Variants in PCP4L1 observed in about 807,000 individuals in gnomAD.
PCP4L1 encodes Purkinje cell protein 4-like protein 1.
Under a neutral mutation model 9.6 loss-of-function variants are expected in PCP4L1, and 9 were observed. The ratio of observed to expected loss-of-function variants is 0.94; its 90% CI spans 0.57 to 1.64. The LOEUF (loss-of-function observed/expected upper bound fraction) is 1.64. Among genes scored for constraint, PCP4L1 ranks in the 40% most tolerant of loss-of-function variants. The pLI is 0.00. For synonymous variants in PCP4L1, 31 were observed against 28.2 expected (o/e 1.10, Z -0.31); for missense variants, 81 against 80.8 (o/e 1.00, Z -0.01).
intron 1 of PCP4L1, among the ~76,000 whole-genome samples, chr1:161,272,088 G>T (rs1352592780): frequency 6.6e-6 from 1 of 151,706 alleles, no homozygotes; most frequent in Non-Finnish European, 1.5e-5. Context: ...TTACAGGTGT[G>T]AGCCACCGTG....
chr1:161,270,375 A>G (rs894545719), intron 1 of PCP4L1, among the ~76,000 whole-genome samples: 6 of 152,098 alleles, frequency 3.9e-5, no homozygotes, highest in East Asian at 1.9e-4. Flanking sequence ...GGTTGTTACA[A>G]TTGCTCATGT....
intron 1 of PCP4L1, among the ~76,000 whole-genome samples, chr1:161,282,313 T>C (rs1571804018): frequency 6.7e-6 from 1 of 150,056 alleles, no homozygotes. Flanking sequence ...GGCAGGGAGG[T>C]TGCAGTGAGC....
intron 1 of PCP4L1, among the ~76,000 whole-genome samples, chr1:161,279,424 A>T (rs1254765490): frequency 6.6e-6 from 1 of 152,188 alleles, no homozygotes; most frequent in African/African-American, 2.4e-5. Context: ...TGCTTCTTTT[A>T]TACCTCTTGA....
chr1:161,284,143 C>G (rs1669867259), intron 2 of PCP4L1, among the ~76,000 whole-genome samples, 196 bp from the exon 3 acceptor site: 1 of 152,186 alleles, frequency 6.6e-6, no homozygotes. Context: ...CCCTAAGTAA[C>G]TATAGCTAAT....
chr1:161,272,199 T>A (rs1476503112), intron 1 of PCP4L1, among the ~76,000 whole-genome samples: 1 of 150,122 alleles, frequency 6.7e-6, no homozygotes, highest in Non-Finnish European at 1.5e-5. Flanking sequence ...TTTTTTTTTT[T>A]AAGCAAATTC....
Position 161,258,795 on chromosome 1 carries a change from C to T in PCP4L1, c.-180C>T. ...AGGGGGTCGCCTGGCCGGAGCTGGG[C>T]TCCGAGAATCCCGGGTGCCAGCACC... On this transcript the variant is annotated 5_prime_UTR_variant, in exon 1 of 3. Coordinates refer to ENST00000504449, the MANE Select transcript of PCP4L1 (RefSeq NM_001102566.2). The T allele has an allele frequency of 2.0e-6, 2 of 990,344 alleles. No individual in the cohort carries two copies. Among genetic ancestry groups the T allele is most frequent in the Non-Finnish European group, 3.0e-6 (2 of 665,360 alleles). 61.3% of individuals were successfully genotyped at this position (990,344 alleles called of 1,614,324 possible).
intron 1 of PCP4L1, among the ~76,000 whole-genome samples, chr1:161,275,377 G>T (rs1418310905): frequency 6.6e-6 from 1 of 151,952 alleles, no homozygotes; most frequent in Non-Finnish European, 1.5e-5. Flanking sequence ...TCAGCCAGGT[G>T]TGGTGGCGGG....
In PCP4L1 at chr1:161,274,655, G is replaced by C. The variant is rs993726073; in HGVS notation, c.10-9013G>C. On this transcript the variant is annotated intron_variant, in intron 1 of 2. Coordinates refer to ENST00000504449, the MANE Select transcript of PCP4L1 (RefSeq NM_001102566.2). ...CTGCGTTTCTGGAAGATAAACAGGA[G>C]GGTTGAGGCAGAGACCAGAGACTAA... 2.6e-5 allele frequency among the ~76,000 whole-genome samples: 4 copies of C among 152,196 alleles called. No individual in the cohort carries two copies. The East Asian group carries it at 7.7e-4, about 29-fold the overall frequency.
At chr1:161,266,214 C>G (rs1317260890) in intron 1 of PCP4L1, among the ~76,000 whole-genome samples, 5 of 152,184 alleles carry the variant, frequency 3.3e-5, no homozygotes, top group Non-Finnish European at 1.5e-5. Flanking sequence ...ATTTATCGTT[C>G]TGTTGTCCTT....
At chr1:161,267,918 G>T (rs1326159411) in intron 1 of PCP4L1, among the ~76,000 whole-genome samples, 1 of 152,066 alleles carries the variant, frequency 6.6e-6, no homozygotes, top group African/African-American at 2.4e-5. Context: ...TCACCATGTT[G>T]GCCAGGCTGG....
At chr1:161,284,249 G>A (rs1226270354) in intron 2 of PCP4L1, 90 bp from the exon 3 acceptor site, 1 of 1,569,996 alleles carries the variant, frequency 6.4e-7, no homozygotes, top group East Asian at 2.2e-5. Flanking sequence ...TCTGGCACAA[G>A]GTGGACCTTA....
chr1:161,274,885 A>G (rs747179496), intron 1 of PCP4L1, among the ~76,000 whole-genome samples: 2 of 152,200 alleles, frequency 1.3e-5, no homozygotes, highest in African/African-American at 2.4e-5. Context: ...GGAAATTTCA[A>G]GGGGCATTGT....
In PCP4L1 at chr1:161,258,800, A is replaced by T; in HGVS notation, c.-175A>T. The T allele has an allele frequency of 9.6e-7, 1 of 1,038,612 alleles. No homozygotes were observed. Among genetic ancestry groups the T allele is most frequent in the Non-Finnish European group, 1.4e-6 (1 of 707,358 alleles). The allele number at this position is 1,038,612 out of a possible 1,614,324, so 64.3% of individuals were successfully genotyped here. On this transcript the variant is annotated 5_prime_UTR_variant, in exon 1 of 3. Transcript: ENST00000504449. ...GTCGCCTGGCCGGAGCTGGGCTCCG[A>T]GAATCCCGGGTGCCAGCACCAGAGC...
Position 161,258,883 on chromosome 1 carries a change from C to T in PCP4L1, c.-92C>T. ...TCAGCTGTAACCCCTGCCGCAGAGC[C>T]CGGCAACTTTCAGCTGTCGCCCGCG... On this transcript the variant is annotated 5_prime_UTR_variant, in exon 1 of 3. Coordinates refer to ENST00000504449, the MANE Select transcript of PCP4L1 (RefSeq NM_001102566.2). The T allele has an allele frequency of 6.6e-7, 1 of 1,514,650 alleles. No individual in the cohort carries two copies. The highest frequency in any genetic ancestry group is 8.9e-7 in the Non-Finnish European group (1 of 1,127,696). The allele number at this position is 1,514,650 out of a possible 1,614,324, so 93.8% of individuals were successfully genotyped here.
chr1:161,267,746 T>C (rs2102233523), intron 1 of PCP4L1, among the ~76,000 whole-genome samples: 1 of 152,202 alleles, frequency 6.6e-6, no homozygotes. Flanking sequence ...CTGGCTCTGT[T>C]GCCTAGGCTG....
At chr1:161,271,033 A>G (rs989146737) in intron 1 of PCP4L1, among the ~76,000 whole-genome samples, 2 of 152,236 alleles carry the variant, frequency 1.3e-5, no homozygotes, top group African/African-American at 4.8e-5. Flanking sequence ...GAGCTGCTAT[A>G]AATATTAATT....
At position 161,284,516 on chromosome 1, in the gene PCP4L1, C is replaced by A. The variant is rs746664871; in HGVS notation, c.*35C>A. 1.3e-6 allele frequency: 2 copies of A among 1,598,624 alleles called. No individual in the cohort carries two copies. The highest frequency in any genetic ancestry group is 3.5e-5 in the Admixed American group (2 of 57,248). On this transcript the variant is annotated 3_prime_UTR_variant, in exon 3 of 3. Transcript: ENST00000504449. Reference sequence around the variant, plus strand: ...CTTGCCCTTCACCTTCACCTTCATGCTGGTCCCTTCTCTCCCCTTCTCCAC... The same window carrying A: ...CTTGCCCTTCACCTTCACCTTCATGATGGTCCCTTCTCTCCCCTTCTCCAC...
intron 1 of PCP4L1, among the ~76,000 whole-genome samples, chr1:161,262,779 G>A (rs1272632273): frequency 6.6e-6 from 1 of 152,342 alleles, no homozygotes; most frequent in East Asian, 1.9e-4. Context: ...GATGGAAGTG[G>A]TGGAGATAGA....
At chr1:161,261,927 T>C (rs1669424877) in intron 1 of PCP4L1, among the ~76,000 whole-genome samples, 1 of 152,210 alleles carries the variant, frequency 6.6e-6, no homozygotes. Context: ...ACACACTCTT[T>C]CCTGTGCACA....
Sources: gnomAD v4.1 joint callset for allele counts (sites outside exome capture counted in the v4.1 genomes callset) on GRCh38, gnomAD v4.1.1 for gene constraint, MANE v1.5 for transcripts, NCBI Gene and HGNC (gene_info 2026-07-23, HGNC 2026-07-21) for gene names.